RAPGEF5: variants seen among roughly 807,000 people sequenced by gnomAD.
RAPGEF5 encodes M-Ras-regulated GEF.
RAPGEF5 carries 65 observed loss-of-function variants against 125.2 expected under a neutral mutation model. The ratio of observed to expected loss-of-function variants is 0.52; its 90% CI spans 0.43 to 0.64. The LOEUF (loss-of-function observed/expected upper bound fraction) is 0.64, where lower values mean the gene tolerates loss of function less well. RAPGEF5 is among the 30% of genes least tolerant of loss of function. RAPGEF5 has a pLI of 0.00. For missense variants in RAPGEF5, 958 were observed against 1,048.1 expected (o/e 0.91, Z 1.19); for synonymous variants, 391 against 385.9 (o/e 1.01, Z -0.16).
chr7:22,179,945 A>C (rs1784623318), intron 11 of RAPGEF5, among the ~76,000 whole-genome samples: 3 of 152,214 alleles, frequency 2.0e-5, no homozygotes, highest in African/African-American at 7.2e-5. Flanking sequence ...TCCTTAGTCC[A>C]GCAGCTCAAG....
chr7:22,244,789 T>C (rs1786434194), intron 7 of RAPGEF5, among the ~76,000 whole-genome samples: 1 of 152,104 alleles, frequency 6.6e-6, no homozygotes, highest in South Asian at 2.1e-4. Context: ...GAAATTAAAA[T>C]GAGAGTGCAG....
chr7:22,337,897 T>C (rs572438004), intron 1 of RAPGEF5, among the ~76,000 whole-genome samples: 36 of 152,364 alleles, frequency 2.4e-4, no homozygotes, highest in Admixed American at 2.1e-3. Context: ...ATGTAAAATA[T>C]GTCAGAAATC....
At chr7:22,314,237 C>T (rs958318022) in intron 3 of RAPGEF5, among the ~76,000 whole-genome samples, 19 of 152,080 alleles carry the variant, frequency 1.2e-4, no homozygotes, top group Non-Finnish European at 4.4e-5. Flanking sequence ...TGGTTACTGG[C>T]TGAAGAGAAG....
At chr7:22,191,351 T>G (rs901430961) in intron 11 of RAPGEF5, 5 of 335,624 alleles carry the variant, frequency 1.5e-5, no homozygotes, top group Admixed American at 7.6e-5. Context: ...CTCTTTTATA[T>G]ACACATTAAT....
intron 24 of RAPGEF5, among the ~76,000 whole-genome samples, chr7:22,128,866 T>A (rs10224238): frequency 0.65 from 99,072 of 152,184 alleles, 32,708 homozygotes; most frequent in East Asian, 0.92. Flanking sequence ...TTATAAAATA[T>A]AATTTCTCTT....
intron 24 of RAPGEF5, 96 bp downstream of exon 24, chr7:22,130,941 G>A (rs1396397753): frequency 6.8e-7 from 1 of 1,476,828 alleles, no homozygotes; most frequent in African/African-American, 1.4e-5. Flanking sequence ...GCATCCAATG[G>A]AGAAAAGTAC....
In RAPGEF5 at chr7:22,122,284, A is replaced by C. The variant is rs1325461103; in HGVS notation, c.*122T>G. 1.4e-6 allele frequency: 1 copy of C among 736,736 alleles called. No homozygotes were observed. The highest frequency in any genetic ancestry group is 2.6e-5 in the Admixed American group (1 of 38,378). 45.6% of individuals were successfully genotyped at this position (736,736 alleles called of 1,614,324 possible). A position where few individuals can be genotyped will look rare whatever the true frequency, so the allele number is the denominator to read the frequency against. On this transcript the variant is annotated 3_prime_UTR_variant, in exon 26 of 26. Transcript: ENST00000665637. ...CACGCTTTGGCTGGCTTTCCTGTGA[A>C]TGTCTTGGGTTATACTGATAAAACT...
chr7:22,177,578 C>A (rs1236048880), intron 11 of RAPGEF5, among the ~76,000 whole-genome samples: 1 of 152,188 alleles, frequency 6.6e-6, no homozygotes, highest in Non-Finnish European at 1.5e-5. Context: ...ACAAACTGTG[C>A]CAGTGCTAAT....
chr7:22,289,592 G>A lies in RAPGEF5; in HGVS notation c.747+1583C>T, dbSNP rs75152507. Among the ~76,000 whole-genome samples, 156 of 152,278 alleles carry A rather than the reference G, an allele frequency of 1.0e-3. 1 individual carries two copies. In the East Asian group the frequency reaches 0.02, roughly 19 times the overall value. Reference sequence around the variant, plus strand: ...GCTAATTATAATTATGCACACCACAGGCACTCCTTTGTGGTCAATATTTTA... The same window carrying A: ...GCTAATTATAATTATGCACACCACAAGCACTCCTTTGTGGTCAATATTTTA... On this transcript the variant is annotated intron_variant, in intron 6 of 25. Transcript: ENST00000665637.
chr7:22,147,026 C>G lies in RAPGEF5; in HGVS notation c.1885-7G>C, dbSNP rs761878169. ...CATTTTCTGCAAATGGGTTCTAAAC[C>G]AACAGAAGCAAAAAGATCCTCAGTA... is the stretch of plus-strand genomic sequence containing the variant. On this transcript the variant is annotated splice_polypyrimidine_tract_variant and splice_region_variant and intron_variant, in intron 18 of 25. Transcript: ENST00000665637. 2.5e-6 allele frequency: 4 copies of G among 1,609,362 alleles called. No individual in the cohort carries two copies. The South Asian group carries it at 4.4e-5, about 18-fold the overall frequency.
At chr7:22,252,320 T>C (rs775577208) in intron 7 of RAPGEF5, among the ~76,000 whole-genome samples, 4 of 152,148 alleles carry the variant, frequency 2.6e-5, no homozygotes, top group Non-Finnish European at 5.9e-5. Flanking sequence ...TTCCCTACAA[T>C]AGGAACAAGC....
intron 9 of RAPGEF5, among the ~76,000 whole-genome samples, chr7:22,200,739 T>C (rs538170504): frequency 6.6e-6 from 1 of 152,290 alleles, no homozygotes; most frequent in South Asian, 2.1e-4. Context: ...TCAATCTCAT[T>C]GCCTCTAAGA....
At chr7:22,315,115 CAG>C (rs1461762617) in intron 3 of RAPGEF5, among the ~76,000 whole-genome samples, 3 of 152,170 alleles carry the variant, frequency 2.0e-5, no homozygotes, top group African/African-American at 4.8e-5. Context: ...GGAAGCAGAG[CAG>C]AGACTCTCTC....
chr7:22,332,047 C>T (rs28579301), intron 1 of RAPGEF5, among the ~76,000 whole-genome samples: 12,076 of 152,180 alleles, frequency 0.079, 662 homozygotes, highest in Non-Finnish European at 0.11. Flanking sequence ...CTTAACAATA[C>T]TTAACTGTAC....
intron 18 of RAPGEF5, among the ~76,000 whole-genome samples, chr7:22,148,828 G>C (rs1428553019): frequency 6.6e-6 from 1 of 152,124 alleles, no homozygotes; most frequent in Non-Finnish European, 1.5e-5. Context: ...ATTCAGAGTG[G>C]GGGTTTCCTC....
chr7:22,152,884 G>A (rs1783674156), intron 17 of RAPGEF5, among the ~76,000 whole-genome samples: 1 of 152,204 alleles, frequency 6.6e-6, no homozygotes, highest in Non-Finnish European at 1.5e-5. Context: ...ATGGCACATT[G>A]CCAAATCTGT....
chr7:22,259,795 G>C (rs1164632124), intron 7 of RAPGEF5, among the ~76,000 whole-genome samples: 1 of 152,224 alleles, frequency 6.6e-6, no homozygotes, highest in Non-Finnish European at 1.5e-5. Context: ...ACTACGGAGA[G>C]AGTAAAAAGA....
At chr7:22,195,634 C>T (rs1211963022) in intron 9 of RAPGEF5, among the ~76,000 whole-genome samples, 2 of 152,086 alleles carry the variant, frequency 1.3e-5, no homozygotes, top group East Asian at 3.9e-4. Flanking sequence ...TAATTGCTAT[C>T]TTTCATTTCT....
chr7:22,344,166 T>C (rs1472041770), intron 1 of RAPGEF5, among the ~76,000 whole-genome samples: 4 of 152,038 alleles, frequency 2.6e-5, no homozygotes, highest in African/African-American at 9.7e-5. Flanking sequence ...CAAAGAGGGA[T>C]TGGGCCTCTC....
Sources: allele counts gnomAD v4.1 joint callset (sites outside exome capture counted in the v4.1 genomes callset), GRCh38; gene constraint gnomAD v4.1.1; transcripts MANE v1.5; gene names NCBI Gene and HGNC (gene_info 2026-07-23, HGNC 2026-07-21).